The following GRID2 variants were observed in gnomAD, a reference collection of about 807,000 sequenced individuals.
GRID2 encodes the protein glutamate receptor ionotropic, delta-2.
GRID2 carries 33 observed loss-of-function variants against 114.8 expected under a neutral mutation model. The ratio of observed to expected loss-of-function variants is 0.29; its 90% CI spans 0.22 to 0.38. The LOEUF (loss-of-function observed/expected upper bound fraction) is 0.38. Among genes scored for constraint, GRID2 ranks in the 10% least tolerant of loss-of-function variants. The pLI is 1.00. For missense variants in GRID2, 1,184 were observed against 1,257.7 expected (o/e 0.94, Z 0.89); for synonymous variants, 505 against 449.9 (o/e 1.12, Z -1.55).
intron 1 of GRID2, among the ~76,000 whole-genome samples, chr4:92,538,017 G>A (rs1725739207): frequency 6.6e-6 from 1 of 152,064 alleles, no homozygotes; most frequent in Non-Finnish European, 1.5e-5. Context: ...TTTCTCAGAA[G>A]TAGTCATTAT....
chr4:92,444,296 A>G (rs1266116582), intron 1 of GRID2, among the ~76,000 whole-genome samples: 3 of 152,184 alleles, frequency 2.0e-5, no homozygotes, highest in Non-Finnish European at 2.9e-5. Flanking sequence ...CTGAGTCCGT[A>G]AAGAGAGTCA....
intron 1 of GRID2, among the ~76,000 whole-genome samples, chr4:92,485,475 G>A (rs1722840439): frequency 1.3e-5 from 2 of 150,566 alleles, no homozygotes; most frequent in African/African-American, 2.4e-5. Context: ...CCAGGTGGGT[G>A]GATCACCTGA....
At chr4:92,712,188 A>G (rs1203580939) in intron 2 of GRID2, among the ~76,000 whole-genome samples, 1 of 152,134 alleles carries the variant, frequency 6.6e-6, no homozygotes, top group East Asian at 1.9e-4. Flanking sequence ...TAAATATGCT[A>G]AAAAAATGAG....
At chr4:92,560,906 C>A (rs1194520839) in intron 1 of GRID2, among the ~76,000 whole-genome samples, 1 of 152,034 alleles carries the variant, frequency 6.6e-6, no homozygotes, top group South Asian at 2.1e-4. Context: ...CAGGGTTTCA[C>A]CATGTTGGTC....
At chr4:93,588,273 A>G (rs1362330835) in intron 13 of GRID2, among the ~76,000 whole-genome samples, 1 of 152,114 alleles carries the variant, frequency 6.6e-6, no homozygotes, top group African/African-American at 2.4e-5. Context: ...TGAATAAGCT[A>G]AAGAACATTT....
intron 1 of GRID2, among the ~76,000 whole-genome samples, chr4:92,449,879 C>G (rs1579385786): frequency 6.6e-6 from 1 of 151,436 alleles, no homozygotes; most frequent in Non-Finnish European, 1.5e-5. Context: ...TGGAAAAGCA[C>G]CTTTATCAAA....
At chr4:93,476,947 G>A (rs538277136) in intron 11 of GRID2, among the ~76,000 whole-genome samples, 3 of 152,198 alleles carry the variant, frequency 2.0e-5, no homozygotes, top group African/African-American at 7.2e-5. Context: ...ATTTAAGGAA[G>A]ACATGTGGCA....
At chr4:93,730,055 A>G (rs972335121) in intron 14 of GRID2, among the ~76,000 whole-genome samples, 3 of 152,190 alleles carry the variant, frequency 2.0e-5, no homozygotes, top group Admixed American at 1.3e-4. Flanking sequence ...GAATGAATGC[A>G]TGAATACATA....
intron 9 of GRID2, among the ~76,000 whole-genome samples, chr4:93,416,375 T>G (rs1208984957): frequency 6.6e-6 from 1 of 152,104 alleles, no homozygotes; most frequent in East Asian, 1.9e-4. Flanking sequence ...AGACAACTAT[T>G]GTTTGCTTCA....
intron 1 of GRID2, among the ~76,000 whole-genome samples, chr4:92,478,246 G>C (rs1236586050): frequency 6.6e-6 from 1 of 152,000 alleles, no homozygotes; most frequent in Non-Finnish European, 1.5e-5. Context: ...AAAAATGTAA[G>C]TTACTTTAAA....
In GRID2 at chr4:92,654,688, C is replaced by T. The variant is rs1322426506; in HGVS notation, c.244+64402C>T. ...AATGTTAAGCATTTTTTTCATATCTCTGTTGGCTACCTGTATGTCTTCTAT... is the reference window on the plus strand; with the variant it reads ...AATGTTAAGCATTTTTTTCATATCTTTGTTGGCTACCTGTATGTCTTCTAT... On this transcript the variant is annotated intron_variant, in intron 2 of 15. Transcript: ENST00000282020. Among the ~76,000 whole-genome samples, 5 of 151,718 alleles carry T rather than the reference C, an allele frequency of 3.3e-5. No individual in the cohort carries two copies. In the East Asian group the frequency reaches 5.8e-4, roughly 18 times the overall value.
intron 1 of GRID2, among the ~76,000 whole-genome samples, chr4:92,530,585 T>G (rs1336283916): frequency 2.6e-5 from 4 of 151,244 alleles, no homozygotes; most frequent in African/African-American, 9.7e-5. Context: ...GGGTCCTTAT[T>G]TGTCCAAGTT....
intron 12 of GRID2, among the ~76,000 whole-genome samples, chr4:93,500,425 C>T (rs1727983081): frequency 6.6e-6 from 1 of 151,882 alleles, no homozygotes. Context: ...CTCTCTGCCC[C>T]CATTTTGATG....
chr4:93,318,502 T>C (rs1756911873), intron 8 of GRID2: 1 of 152,252 alleles, frequency 6.6e-6, no homozygotes, highest in South Asian at 2.1e-4. Flanking sequence ...AAAAGTAATT[T>C]GCTGAATGTA....
In GRID2 at chr4:92,938,472, C is replaced by A. The variant is rs149087043; in HGVS notation, c.245-146523C>A. ...CAAGTATGGCCTACTACTTCTATTT[C>A]TAAATCTCTTTAAATTGAGATGGTT... On this transcript the variant is annotated intron_variant, in intron 2 of 15. Coordinates refer to ENST00000282020, the MANE Select transcript of GRID2 (RefSeq NM_001510.4). Among the ~76,000 whole-genome samples, 40 of 146,734 alleles carry A rather than the reference C, an allele frequency of 2.7e-4. 8 individuals carry two copies. The East Asian group carries it at 8.5e-3, about 31-fold the overall frequency.
intron 13 of GRID2, among the ~76,000 whole-genome samples, chr4:93,616,958 C>G (rs1426938397): frequency 6.6e-6 from 1 of 150,838 alleles, no homozygotes; most frequent in Non-Finnish European, 1.5e-5. Flanking sequence ...TGCCACTACA[C>G]TCCAGCCTGG....
intron 4 of GRID2, among the ~76,000 whole-genome samples, chr4:93,163,218 C>A (rs906716635): frequency 3.3e-5 from 5 of 151,034 alleles, no homozygotes; most frequent in African/African-American, 1.2e-4. Context: ...TATTTAACAG[C>A]CCCACAATGT....
At chr4:93,271,742 A>C (rs1184150904) in intron 8 of GRID2, among the ~76,000 whole-genome samples, 11 of 152,200 alleles carry the variant, frequency 7.2e-5, no homozygotes, top group Middle Eastern at 3.2e-3. Flanking sequence ...AAAAATTTGA[A>C]AGTACTCTGA....
intron 4 of GRID2, chr4:93,165,921 A>T (rs906179349): frequency 6.6e-6 from 1 of 152,098 alleles, no homozygotes; most frequent in Admixed American, 6.6e-5. Context: ...CCAATATTGC[A>T]TTGAATATCT....
Sources: allele counts gnomAD v4.1 joint callset (sites outside exome capture counted in the v4.1 genomes callset), GRCh38; gene constraint gnomAD v4.1.1; transcripts MANE v1.5; gene names NCBI Gene and HGNC (gene_info 2026-07-23, HGNC 2026-07-21).